Variants in PTPRG observed in about 807,000 individuals in gnomAD.
PTPRG encodes the protein receptor-type tyrosine-protein phosphatase gamma.
A neutral mutation model predicts 165.3 loss-of-function variants in PTPRG; 102 were observed. The observed-to-expected ratio is 0.62, with a 90% CI of 0.53 to 0.73. The LOEUF is 0.73. Among genes scored for constraint, PTPRG ranks in the 30% least tolerant of loss-of-function variants. The probability of loss-of-function intolerance (pLI) is 0.00; values close to 1 mark genes in which losing one functional copy is unlikely to be tolerated. For synonymous variants in PTPRG, 675 were observed against 669.5 expected, an observed-to-expected ratio of 1.01 and a Z score of -0.13; for missense variants, 1,866 against 1,861.4, an observed-to-expected ratio of 1.00 and a Z score of -0.05.
rs117617034 is a variant in PTPRG at position 61,601,069 on chromosome 3, A to G, written c.85+38697A>G. Among the ~76,000 whole-genome samples the G allele has an allele frequency of 3.1e-3, 473 of 152,322 alleles. 5 individuals are homozygous for G. The East Asian group carries it at 0.04, about 13-fold the overall frequency. ...CGGGAGTTCGAGACCAGCCTGGCTT[A>G]CATGACATAACCCTGTCTCTACCAA... On this transcript the variant is annotated intron_variant, in intron 1 of 29. Transcript: ENST00000474889.
chr3:61,646,565 T>C (rs896051850), intron 1 of PTPRG, among the ~76,000 whole-genome samples: 15 of 152,224 alleles, frequency 9.9e-5, no homozygotes, highest in African/African-American at 3.4e-4. Flanking sequence ...TATATACTTA[T>C]AGTGTAATAT....
At chr3:61,837,471 A>T (rs2036502486) in intron 2 of PTPRG, among the ~76,000 whole-genome samples, 2 of 152,248 alleles carry the variant, frequency 1.3e-5, no homozygotes, top group Admixed American at 6.5e-5. Context: ...CTGTTTGCCC[A>T]TGTCTTGCTG....
chr3:62,039,306 T>C (rs1344623295), intron 4 of PTPRG, among the ~76,000 whole-genome samples: 1 of 151,976 alleles, frequency 6.6e-6, no homozygotes, highest in Non-Finnish European at 1.5e-5. Context: ...ATGTCTACTC[T>C]TCTAACACGT....
At chr3:61,857,854 C>A (rs1387101859) in intron 2 of PTPRG, among the ~76,000 whole-genome samples, 1 of 152,122 alleles carries the variant, frequency 6.6e-6, no homozygotes, top group Non-Finnish European at 1.5e-5. Flanking sequence ...ATCACAGTCT[C>A]AGCATTATGG....
chr3:61,687,408 C>T (rs370125090), intron 1 of PTPRG, among the ~76,000 whole-genome samples: 3 of 152,106 alleles, frequency 2.0e-5, no homozygotes, highest in Admixed American at 6.6e-5. Flanking sequence ...TGATTCTTCC[C>T]GGCAGTCCTA....
intron 1 of PTPRG, among the ~76,000 whole-genome samples, chr3:61,671,980 G>A (rs1404038478): frequency 3.2e-5 from 4 of 125,202 alleles, no homozygotes; most frequent in Admixed American, 1.5e-4. Flanking sequence ...GCTGCTGGGC[G>A]GAGGGGCTCC....
chr3:62,145,925 A>C (rs141273299), intron 6 of PTPRG, among the ~76,000 whole-genome samples: 22 of 152,296 alleles, frequency 1.4e-4, no homozygotes, highest in African/African-American at 4.8e-4. Flanking sequence ...CCCAGCATCG[A>C]CTAACTTTCT....
chr3:62,204,903 G>C (rs1700189836), intron 12 of PTPRG, among the ~76,000 whole-genome samples: 2 of 152,072 alleles, frequency 1.3e-5, no homozygotes. Context: ...AGTTGTTATT[G>C]TTGTGAGGGC....
chr3:61,986,299 AG>A (rs1559729753), intron 2 of PTPRG, among the ~76,000 whole-genome samples: 1 of 152,178 alleles, frequency 6.6e-6, no homozygotes, highest in Non-Finnish European at 1.5e-5. Flanking sequence ...AAGATACAGA[AG>A]GAACCAGTTC....
chr3:61,762,886 A>G (rs1467018866), intron 2 of PTPRG, among the ~76,000 whole-genome samples: 1 of 152,014 alleles, frequency 6.6e-6, no homozygotes, highest in East Asian at 1.9e-4. Flanking sequence ...TGCCATCCTT[A>G]GTGGGTAGGC....
At chr3:61,940,357 T>C (rs2039589582) in intron 2 of PTPRG, among the ~76,000 whole-genome samples, 1 of 152,180 alleles carries the variant, frequency 6.6e-6, no homozygotes, top group Non-Finnish European at 1.5e-5. Flanking sequence ...AATTAGTAGA[T>C]AGGTGAGATA....
chr3:62,100,379 G>A (rs1476446926), intron 5 of PTPRG, among the ~76,000 whole-genome samples: 1 of 152,122 alleles, frequency 6.6e-6, no homozygotes, highest in African/African-American at 2.4e-5. Context: ...GCAATTTTAA[G>A]TAAATAAGCA....
Position 62,168,315 on chromosome 3 carries a change from G to A in PTPRG, c.1033+152G>A, listed in dbSNP as rs922005744. The A allele has an allele frequency of 4.0e-6, 3 of 746,262 alleles. No individual in the cohort carries two copies. In the African/African-American group the frequency reaches 5.3e-5, roughly 13 times the overall value. 46.2% of individuals were successfully genotyped at this position (746,262 alleles called of 1,614,324 possible). A position where few individuals can be genotyped will look rare whatever the true frequency, so the allele number is the denominator to read the frequency against. ...GGGAGCCTGTCTGGCTGAAAAATAG[G>A]AGCAGGTGTGGGAATATATTCTGTT... On this transcript the variant is annotated intron_variant, in intron 8 of 29. Coordinates refer to ENST00000474889, the MANE Select transcript of PTPRG (RefSeq NM_002841.4).
chr3:62,200,162 G>T (rs1219120204), intron 10 of PTPRG, among the ~76,000 whole-genome samples: 1 of 152,206 alleles, frequency 6.6e-6, no homozygotes, highest in Non-Finnish European at 1.5e-5. Context: ...TCTGGAGACG[G>T]ATAGAAGTAA....
intron 2 of PTPRG, among the ~76,000 whole-genome samples, chr3:61,841,052 G>A (rs2036617140): frequency 1.3e-5 from 2 of 152,086 alleles, no homozygotes; most frequent in African/African-American, 4.8e-5. Flanking sequence ...AAAGTGCTGG[G>A]ATTACAGATG....
At chr3:62,029,671 C>T (rs762977137) in intron 4 of PTPRG, among the ~76,000 whole-genome samples, 2 of 152,186 alleles carry the variant, frequency 1.3e-5, no homozygotes, top group African/African-American at 4.8e-5. Flanking sequence ...TCCAGCCAGT[C>T]ATTTCCCATT....
At chr3:61,802,694 T>C (rs2035285136) in intron 2 of PTPRG, among the ~76,000 whole-genome samples, 1 of 152,196 alleles carries the variant, frequency 6.6e-6, no homozygotes, top group African/African-American at 2.4e-5. Flanking sequence ...GCACATTTTC[T>C]GACTTTCTGA....
chr3:62,039,303 CTCT>C (rs1295491561), intron 4 of PTPRG, among the ~76,000 whole-genome samples: 1 of 150,198 alleles, frequency 6.7e-6, no homozygotes, highest in Non-Finnish European at 1.5e-5. Context: ...TGTATGTCTA[CTCT>C]TCTAACACGT....
intron 12 of PTPRG, among the ~76,000 whole-genome samples, chr3:62,212,128 T>C (rs1700373719): frequency 6.6e-6 from 1 of 152,138 alleles, no homozygotes; most frequent in Admixed American, 6.5e-5. Context: ...GAGGGTTCGT[T>C]AGCATTTTGC....
Sources: allele counts gnomAD v4.1 joint callset (sites outside exome capture counted in the v4.1 genomes callset), GRCh38; gene constraint gnomAD v4.1.1; transcripts MANE v1.5; gene names NCBI Gene and HGNC (gene_info 2026-07-23, HGNC 2026-07-21).